TTC7A: variants seen among roughly 807,000 people sequenced by gnomAD.
TTC7A encodes the protein tetratricopeptide repeat domain 7A.
Under a neutral mutation model 103.7 loss-of-function variants are expected in TTC7A, and 110 were observed. The ratio of observed to expected loss-of-function variants is 1.06; its 90% CI spans 0.91 to 1.24. TTC7A has a LOEUF of 1.24. Among genes scored for constraint, TTC7A ranks in the 50% most tolerant of loss-of-function variants. The pLI, the probability that TTC7A is intolerant of heterozygous loss-of-function variation, is 0.00. For synonymous variants in TTC7A, 521 were observed against 467.9 expected (o/e 1.11, Z -1.47); for missense variants, 1,340 against 1,116.3 (o/e 1.20, Z -2.86).
intron 8 of TTC7A, chr2:46,999,687 A>G: frequency 1.0e-6 from 1 of 985,476 alleles, no homozygotes; most frequent in Non-Finnish European, 1.2e-6. Flanking sequence ...AGAACCGTGT[A>G]TCAAACCAGC....
chr2:47,020,307 T>G (rs1679144064), intron 11 of TTC7A, among the ~76,000 whole-genome samples: 2 of 152,220 alleles, frequency 1.3e-5, no homozygotes, highest in African/African-American at 4.8e-5. Context: ...GGCTTTGGCT[T>G]CAGGCCCCAG....
intron 2 of TTC7A, among the ~76,000 whole-genome samples, chr2:46,925,772 C>T (rs186336864): frequency 3.5e-4 from 54 of 152,180 alleles, no homozygotes; most frequent in African/African-American, 1.2e-3. Context: ...TGTTAACCCC[C>T]GTTGAAAGGG....
chr2:46,916,245 A>T (rs1428717958), exon 1 of TTC7A: 1 of 863,708 alleles, frequency 1.2e-6, no homozygotes, highest in Non-Finnish European at 1.4e-6. Context: ...TTCCTTCTTG[A>T]TGAAACGACC....
At chr2:46,937,635 A>G (rs1670046100), upstream of TTC7A, among the ~76,000 whole-genome samples, 1 of 152,204 alleles carries the variant, frequency 6.6e-6, no homozygotes, top group African/African-American at 2.4e-5. This position sits in a 1 kb window ranked among gnomAD's most constrained non-coding sequence, Gnocchi z 4.0. Flanking sequence ...ACAGGGTCTC[A>G]CTAGATTGTC....
intron 18 of TTC7A, among the ~76,000 whole-genome samples, chr2:47,057,851 G>T (rs931959083): frequency 2.6e-5 from 4 of 152,146 alleles, no homozygotes; most frequent in Non-Finnish European, 4.4e-5. Context: ...CATCGACCTA[G>T]CCCCTCTTGA....
At chr2:47,024,599 CT>C (rs1679680962) in intron 14 of TTC7A, among the ~76,000 whole-genome samples, 1 of 152,144 alleles carries the variant, frequency 6.6e-6, no homozygotes, top group Non-Finnish European at 1.5e-5. Context: ...CTCACTCCCC[CT>C]ACAACATTTC....
chr2:47,011,257 G>T, intron 10 of TTC7A, 74 bp from the exon 11 acceptor site: 1 of 1,393,206 alleles, frequency 7.2e-7, no homozygotes. Flanking sequence ...GGTTGTTTGG[G>T]AAGCTCGCCC....
intron 18 of TTC7A, among the ~76,000 whole-genome samples, chr2:47,060,388 T>G (rs530355109): frequency 2.0e-4 from 31 of 151,898 alleles, no homozygotes; most frequent in African/African-American, 7.2e-4. Context: ...TAAATTAATT[T>G]TTTTTAAAAA....
chr2:47,064,166 G>A (rs1684006622), intron 19 of TTC7A, among the ~76,000 whole-genome samples: 1 of 152,198 alleles, frequency 6.6e-6, no homozygotes, highest in African/African-American at 2.4e-5. Flanking sequence ...GAGAACCAGC[G>A]GAATTTGTCC....
upstream of TTC7A, among the ~76,000 whole-genome samples, chr2:46,936,957 C>T (rs1670009908): frequency 6.6e-6 from 1 of 151,706 alleles, no homozygotes; most frequent in Admixed American, 6.6e-5. Context: ...TGGGCTCAAG[C>T]GATCCTCCCA....
At chr2:47,021,464 G>A (rs1176576632) in intron 11 of TTC7A, among the ~76,000 whole-genome samples, 2 of 152,204 alleles carry the variant, frequency 1.3e-5, no homozygotes, top group Non-Finnish European at 2.9e-5. Context: ...GAGAGGGAGC[G>A]AGCTCATGGA....
At chr2:47,045,283 A>T (rs1032626269) in intron 15 of TTC7A, among the ~76,000 whole-genome samples, 2 of 151,634 alleles carry the variant, frequency 1.3e-5, no homozygotes, top group Admixed American at 1.3e-4. Flanking sequence ...GAACCCCCAG[A>T]CCTCCCCAGC....
chr2:47,007,796 T>TC lies in TTC7A; in HGVS notation c.1287+1077dup, dbSNP rs368100970. On this transcript the variant is annotated intron_variant, in intron 10 of 19. Transcript: ENST00000319190. The surrounding 1 kb of genome is among the most constrained non-coding windows in gnomAD (Gnocchi z 4.9). The stretch of plus-strand genomic sequence containing the variant: ...TGTGTCTTTCCAAACCTCTCTCCTC[T>TC]CCCCCATCACATCGGACACCTCACA... Among the ~76,000 whole-genome samples, 9 of 152,160 alleles carry TC rather than the reference T, an allele frequency of 5.9e-5. No homozygotes were observed. Among genetic ancestry groups the TC allele is most frequent in the African/African-American group, 1.9e-4 (8 of 41,498 alleles).
intron 18 of TTC7A, 72 bp from the exon 19 acceptor site, chr2:47,060,697 A>G: frequency 7.0e-7 from 1 of 1,432,650 alleles, no homozygotes; most frequent in Admixed American, 2.0e-5. Context: ...GGCTCTGAGG[A>G]TGCAGGGAGG....
At chr2:46,998,379 T>C (rs1676443893) in intron 8 of TTC7A, among the ~76,000 whole-genome samples, 1 of 152,124 alleles carries the variant, frequency 6.6e-6, no homozygotes, top group African/African-American at 2.4e-5. Context: ...CCTGCCTTTG[T>C]TTTAAATTCT....
In TTC7A at chr2:47,050,259, C is replaced by T. The variant is rs76906867; in HGVS notation, c.2017+213C>T. 40,586 of 571,930 alleles carry T rather than the reference C, an allele frequency of 0.071. 1,491 individuals carry two copies. The highest frequency in any genetic ancestry group is 0.074 in the Non-Finnish European group (23,691 of 318,208). The allele number at this position is 571,930 out of a possible 1,614,324, so 35.4% of individuals were successfully genotyped here. A position where few individuals can be genotyped will look rare whatever the true frequency, so the allele number is the denominator to read the frequency against. On this transcript the variant is annotated intron_variant, in intron 17 of 19. Coordinates refer to ENST00000319190, the MANE Select transcript of TTC7A (RefSeq NM_020458.4). ...CAGTGGGCAGTGGGCAGGGGAGGAA[C>T]CCTGCCTCCTGCATGGGGGTGAAGA...
At chr2:47,013,903 C>T (rs1678339750) in intron 11 of TTC7A, among the ~76,000 whole-genome samples, 1 of 152,204 alleles carries the variant, frequency 6.6e-6, no homozygotes, top group Non-Finnish European at 1.5e-5. Context: ...AAATCAGGCA[C>T]AGGCCAGAGT....
chr2:47,044,500 A>T (rs1682099085), intron 15 of TTC7A, among the ~76,000 whole-genome samples: 1 of 152,148 alleles, frequency 6.6e-6, no homozygotes, highest in African/African-American at 2.4e-5. Context: ...CCAGCTGTGC[A>T]CTCAGGTCCG....
chr2:46,994,375 G>A lies in TTC7A; in HGVS notation c.862G>A (p.Ala288Thr). 8 of 1,613,178 alleles carry A rather than the reference G, an allele frequency of 5.0e-6. No homozygotes were observed. The highest frequency in any genetic ancestry group is 6.8e-6 in the Non-Finnish European group (8 of 1,179,520). ...CTGCCAGATGGCGGCCAAGCACCTG[G>A]CGGGGGTCCTGCTGCACTCCCTGAG... is the stretch of plus-strand genomic sequence containing the variant. ...NFKVMAAKHL[A>T]GVLLHSLSEE... Residue 288 changes from alanine to threonine, a missense_variant, in exon 7 of 20, where the codon GCG becomes ACG. By Grantham distance (58) the Ala-to-Thr change is moderately conservative. Coordinates refer to ENST00000319190, the MANE Select transcript of TTC7A (RefSeq NM_020458.4).
Sources: allele counts gnomAD v4.1 joint callset (sites outside exome capture counted in the v4.1 genomes callset), GRCh38; gene constraint gnomAD v4.1.1; non-coding constraint Gnocchi (gnomAD v3.1); transcripts MANE v1.5; gene names NCBI Gene and HGNC (gene_info 2026-07-23, HGNC 2026-07-21).